The following FHIT variants were observed in gnomAD, a reference collection of about 807,000 sequenced individuals.
FHIT encodes the protein fragile histidine triad diadenosine triphosphatase, also known as bis(5'-adenosyl)-triphosphatase.
FHIT carries 19 observed loss-of-function variants against 17.9 expected under a neutral mutation model. The observed-to-expected ratio is 1.06, with a 90% CI of 0.74 to 1.56. FHIT has a LOEUF of 1.56. Among genes scored for constraint, FHIT ranks in the 40% most tolerant of loss-of-function variants. FHIT has a pLI of 0.00. For missense variants in FHIT, 248 were observed against 189.2 expected, an observed-to-expected ratio of 1.31 and a Z score of -1.82; for synonymous variants, 81 against 69.7, an observed-to-expected ratio of 1.16 and a Z score of -0.81.
chr3:60,498,431 A>G (rs2034391490), intron 5 of FHIT, among the ~76,000 whole-genome samples: 1 of 152,226 alleles, frequency 6.6e-6, no homozygotes, highest in Non-Finnish European at 1.5e-5. Flanking sequence ...GCTATTAATG[A>G]TTCCTTATAA....
chr3:59,747,746 C>G lies in FHIT; in HGVS notation c.*1839G>C, dbSNP rs1224814196. Among the ~76,000 whole-genome samples the G allele has an allele frequency of 6.6e-6, 1 of 151,458 alleles. No individual in the cohort carries two copies. Among genetic ancestry groups the G allele is most frequent in the Non-Finnish European group, 1.5e-5 (1 of 67,856 alleles). On this transcript the variant is annotated 3_prime_UTR_variant, in exon 10 of 10. Coordinates refer to ENST00000492590, the MANE Select transcript of FHIT (RefSeq NM_002012.4). ...CCCATCAGCCCTAGGGAAGCTGACT[C>G]TTTGGTTTTCCCCCATGCACCTTGT...
intron 5 of FHIT, among the ~76,000 whole-genome samples, chr3:60,075,221 C>A (rs1559608613): frequency 6.6e-6 from 1 of 152,030 alleles, no homozygotes; most frequent in Non-Finnish European, 1.5e-5. Context: ...TCAGGAGAAC[C>A]AATGGAATAA....
chr3:60,566,573 A>G (rs2037142218), intron 4 of FHIT, among the ~76,000 whole-genome samples: 1 of 151,858 alleles, frequency 6.6e-6, no homozygotes, highest in African/African-American at 2.4e-5. Flanking sequence ...CTCTCTCACC[A>G]CTCCTATTCA....
intron 3 of FHIT, among the ~76,000 whole-genome samples, chr3:60,855,308 C>T (rs911523606): frequency 4.6e-5 from 7 of 152,058 alleles, no homozygotes; most frequent in Non-Finnish European, 1.0e-4. Flanking sequence ...AATGAGTGGA[C>T]ATACACTGGG....
intron 5 of FHIT, among the ~76,000 whole-genome samples, chr3:60,408,856 AC>A (rs1701966863): frequency 6.6e-6 from 1 of 152,202 alleles, no homozygotes; most frequent in Non-Finnish European, 1.5e-5. Context: ...AAAACAAAAA[AC>A]AAAAGCCATA....
intron 4 of FHIT, among the ~76,000 whole-genome samples, chr3:60,737,969 G>C (rs1228344697): frequency 6.6e-6 from 1 of 152,068 alleles, no homozygotes; most frequent in African/African-American, 2.4e-5. Flanking sequence ...TCGGCTAAAG[G>C]AGCATTTGCA....
chr3:60,093,811 G>A (rs184951348), intron 5 of FHIT, among the ~76,000 whole-genome samples: 10 of 152,270 alleles, frequency 6.6e-5, no homozygotes, highest in South Asian at 2.1e-4. Flanking sequence ...CTCCACCACC[G>A]GGTCTGTGGG....
At chr3:60,583,904 T>A (rs2037824647) in intron 4 of FHIT, among the ~76,000 whole-genome samples, 1 of 152,110 alleles carries the variant, frequency 6.6e-6, no homozygotes, top group Non-Finnish European at 1.5e-5. Context: ...AGTAAAAGTA[T>A]CCCAGTTAAA....
intron 2 of FHIT, among the ~76,000 whole-genome samples, chr3:61,177,854 C>T (rs2038206445): frequency 6.6e-6 from 1 of 152,162 alleles, no homozygotes. Flanking sequence ...AAAATTCTGA[C>T]AACCTAATAA....
intron 1 of FHIT, among the ~76,000 whole-genome samples, chr3:61,247,619 G>C (rs2040519325): frequency 6.6e-6 from 1 of 152,208 alleles, no homozygotes; most frequent in Non-Finnish European, 1.5e-5. Context: ...AGGTTATCAA[G>C]AGTTGTGAGG....
At chr3:60,204,110 T>C (rs1312277599) in intron 5 of FHIT, among the ~76,000 whole-genome samples, 1 of 152,056 alleles carries the variant, frequency 6.6e-6, no homozygotes, top group Non-Finnish European at 1.5e-5. Flanking sequence ...AAAGGAAAAA[T>C]GCTTAGGGAG....
chr3:59,956,194 G>C (rs1300984649), intron 7 of FHIT, among the ~76,000 whole-genome samples: 2 of 152,098 alleles, frequency 1.3e-5, no homozygotes, highest in East Asian at 3.9e-4. Flanking sequence ...CCTTAATCTA[G>C]TGGTTAAAAG....
intron 3 of FHIT, among the ~76,000 whole-genome samples, chr3:60,928,522 C>G (rs1176174067): frequency 6.7e-6 from 1 of 149,608 alleles, no homozygotes; most frequent in Non-Finnish European, 1.5e-5. Flanking sequence ...GCACTCCAGC[C>G]TAGGTGACAG....
intron 5 of FHIT, among the ~76,000 whole-genome samples, chr3:60,224,910 G>A (rs1479076281): frequency 1.3e-5 from 2 of 151,590 alleles, no homozygotes; most frequent in African/African-American, 2.4e-5. Flanking sequence ...TAGTAGAGAC[G>A]GGGTTTCACC....
At chr3:60,455,445 C>T (rs1043946179) in intron 5 of FHIT, among the ~76,000 whole-genome samples, 2 of 152,124 alleles carry the variant, frequency 1.3e-5, no homozygotes, top group African/African-American at 2.4e-5. Flanking sequence ...CCTACATGCA[C>T]GTCTTCAAAA....
chr3:60,134,333 A>T (rs2107277107), intron 5 of FHIT, among the ~76,000 whole-genome samples: 1 of 152,326 alleles, frequency 6.6e-6, no homozygotes, highest in Admixed American at 6.5e-5. Context: ...CTGGAAAAAG[A>T]TAATCCAATG....
chr3:60,894,885 C>T (rs1417777075), intron 3 of FHIT, among the ~76,000 whole-genome samples: 3 of 152,082 alleles, frequency 2.0e-5, no homozygotes, highest in African/African-American at 7.2e-5. Context: ...GTGGTTTTTG[C>T]TAAACCATTT....
intron 3 of FHIT, among the ~76,000 whole-genome samples, chr3:60,958,184 T>C (rs1448977629): frequency 6.6e-6 from 1 of 152,232 alleles, no homozygotes; most frequent in African/African-American, 2.4e-5. Flanking sequence ...CAGCACCTCC[T>C]GTCAGTTTGT....
At chr3:61,017,703 A>G (rs1054294732) in intron 3 of FHIT, among the ~76,000 whole-genome samples, 1 of 152,208 alleles carries the variant, frequency 6.6e-6, no homozygotes, top group African/African-American at 2.4e-5. Context: ...CAAATAAATG[A>G]TATGCTGAGA....
Sources: gnomAD v4.1 joint callset for allele counts (sites outside exome capture counted in the v4.1 genomes callset) on GRCh38, gnomAD v4.1.1 for gene constraint, MANE v1.5 for transcripts, NCBI Gene and HGNC (gene_info 2026-07-23, HGNC 2026-07-21) for gene names.